KIF24: variants seen among roughly 807,000 people sequenced by gnomAD.
The protein encoded by KIF24 is kinesin family member 24.
In KIF24, 81 loss-of-function variants were observed where a neutral mutation model predicts 118.9. The ratio of observed to expected loss-of-function variants is 0.68; its 90% CI spans 0.57 to 0.82. KIF24 has a LOEUF of 0.82. Among genes scored for constraint, KIF24 ranks in the 40% least tolerant of loss-of-function variants. The pLI is 0.00. For synonymous variants in KIF24, 599 were observed against 610.0 expected (o/e 0.98, Z 0.27); for missense variants, 1,560 against 1,661.6 (o/e 0.94, Z 1.06).
chr9:34,309,121 T>G (rs1837042668), intron 2 of KIF24, among the ~76,000 whole-genome samples: 1 of 151,758 alleles, frequency 6.6e-6, no homozygotes, highest in African/African-American at 2.4e-5. Context: ...AAGAGTCAAA[T>G]AAATGAAATG....
Position 34,310,739 on chromosome 9 carries a change from G to A in KIF24, c.608C>T (p.Pro203Leu), listed in dbSNP as rs868049503. ...SHVSGYNYGI[P>L]HSCIRQNTSE... The stretch of plus-strand genomic sequence containing the variant: ...AATTTATTACCTGATACAAGAATGA[G>A]GGATTCCATAGTTATACCCTGAAAC... The change falls in exon 2 of 13, where the codon CCT (proline) becomes CTT (leucine). Residue 203 changes from proline to leucine, a missense_variant. By Grantham distance (98) the Pro-to-Leu change is moderately conservative. Transcript: ENST00000402558. The A allele has an allele frequency of 6.3e-7, 1 of 1,589,692 alleles. No individual in the cohort carries two copies. Among genetic ancestry groups the A allele is most frequent in the African/African-American group, 1.4e-5 (1 of 73,636 alleles).
Position 34,269,369 on chromosome 9 carries a change from A to C in KIF24, c.1338-7T>G, listed in dbSNP as rs571764961. The C allele has an allele frequency of 2.6e-5, 38 of 1,441,692 alleles. 1 individual carries two copies. The South Asian group carries it at 4.4e-4, about 17-fold the overall frequency. 89.3% of individuals were successfully genotyped at this position (1,441,692 alleles called of 1,614,324 possible). A position where few individuals can be genotyped will look rare whatever the true frequency, so the allele number is the denominator to read the frequency against. On this transcript the variant is annotated splice_region_variant and splice_polypyrimidine_tract_variant and intron_variant, in intron 7 of 12. Coordinates refer to ENST00000402558, the MANE Select transcript of KIF24 (RefSeq NM_194313.4). The stretch of plus-strand genomic sequence containing the variant: ...CAAGTCAATAAAAGAGATCCTAGAG[A>C]AAAGACACAGCAGGAGTGACTTCTG...
chr9:34,273,135 T>C lies in KIF24; in HGVS notation c.1216-1205A>G, dbSNP rs569067883. Among the ~76,000 whole-genome samples, 3 of 152,038 alleles carry C rather than the reference T, an allele frequency of 2.0e-5. No individual in the cohort carries two copies. In the South Asian group the frequency reaches 6.2e-4, roughly 31 times the overall value. ...AATAAAGATTTAAAACTGTATTCAC[T>C]TTTAAAGCCAGTAAAAGAAAAGGGG... On this transcript the variant is annotated intron_variant, in intron 6 of 12. Transcript: ENST00000402558.
chr9:34,255,427 G>C lies in KIF24; in HGVS notation c.3873-262C>G, dbSNP rs114372480. On this transcript the variant is annotated intron_variant, in intron 11 of 12. Coordinates refer to ENST00000402558, the MANE Select transcript of KIF24 (RefSeq NM_194313.4). ...CTCCTGCCTCCCCAGCTGTACTGAG[G>C]GGGCAGGGCTGGGTGCTGCTGCTCT... Among the ~76,000 whole-genome samples, 666 of 152,144 alleles carry C rather than the reference G, an allele frequency of 4.4e-3. 5 individuals are homozygous for C. Among genetic ancestry groups the C allele is most frequent in the African/African-American group, 0.015 (611 of 41,526 alleles).
chr9:34,276,357 G>A (rs529586119), intron 6 of KIF24, among the ~76,000 whole-genome samples: 3 of 148,104 alleles, frequency 2.0e-5, no homozygotes, highest in East Asian at 2.0e-4. Context: ...AGCTGAGATC[G>A]TGCCATTGCA....
At chr9:34,287,627 T>A (rs1836098098) in intron 5 of KIF24, among the ~76,000 whole-genome samples, 1 of 152,190 alleles carries the variant, frequency 6.6e-6, no homozygotes, top group Non-Finnish European at 1.5e-5. Context: ...CAGTCTATGC[T>A]TCATCCCAGT....
At chr9:34,314,815 G>A (rs1260282539) in intron 1 of KIF24, among the ~76,000 whole-genome samples, 1 of 152,162 alleles carries the variant, frequency 6.6e-6, no homozygotes, top group Non-Finnish European at 1.5e-5. Flanking sequence ...TCCATTTAAT[G>A]AAATAATGCT....
intron 6 of KIF24, among the ~76,000 whole-genome samples, chr9:34,281,510 A>G (rs1429568275): frequency 6.6e-6 from 1 of 152,220 alleles, no homozygotes; most frequent in Non-Finnish European, 1.5e-5. Flanking sequence ...GAAGTTTACA[A>G]TATTTACCTT....
chr9:34,272,070 G>T, intron 6 of KIF24, 140 bp from the exon 7 acceptor site: 1 of 610,792 alleles, frequency 1.6e-6, no homozygotes, highest in South Asian at 2.8e-5. Flanking sequence ...GTGGAAAACT[G>T]CTCAAACACT....
intron 2 of KIF24, among the ~76,000 whole-genome samples, chr9:34,306,976 A>C (rs189745736): frequency 6.6e-6 from 1 of 152,154 alleles, no homozygotes; most frequent in Non-Finnish European, 1.5e-5. Context: ...ACCAACCAAC[A>C]AACAAAAAAC....
intron 11 of KIF24, 98 bp from the exon 12 acceptor site, chr9:34,255,263 TC>T: frequency 1.3e-6 from 1 of 755,414 alleles, no homozygotes; most frequent in Non-Finnish European, 2.2e-6. Flanking sequence ...GAGAGCTGCC[TC>T]TGCCGAAAAT....
intron 1 of KIF24, among the ~76,000 whole-genome samples, chr9:34,326,363 A>G (rs1303654302): frequency 6.6e-6 from 1 of 152,218 alleles, no homozygotes; most frequent in Non-Finnish European, 1.5e-5. Flanking sequence ...CTGTCTCAAG[A>G]AAACCCCCCA....
At chr9:34,262,809 C>T (rs1835144274) in intron 9 of KIF24, among the ~76,000 whole-genome samples, 1 of 148,976 alleles carries the variant, frequency 6.7e-6, no homozygotes, top group African/African-American at 2.5e-5. Context: ...CACAGTAAGC[C>T]AAGATCACAC....
At chr9:34,269,401 T>A in intron 7 of KIF24, 39 bp from the exon 8 acceptor site, 1 of 824,428 alleles carries the variant, frequency 1.2e-6, no homozygotes. Context: ...TCTGTGAAGC[T>A]TTATTTTATT....
chr9:34,307,605 G>A (rs1052578070), intron 2 of KIF24, among the ~76,000 whole-genome samples: 9 of 152,026 alleles, frequency 5.9e-5, no homozygotes, highest in Non-Finnish European at 1.2e-4. Flanking sequence ...TGGGAAAATC[G>A]TGACAATCAT....
At chr9:34,311,767 C>CAT (rs950137028) in intron 1 of KIF24, among the ~76,000 whole-genome samples, 15 of 145,482 alleles carry the variant, frequency 1.0e-4, no homozygotes, top group Non-Finnish European at 2.3e-4. Context: ...TGTATATATA[C>CAT]ATATATATAC....
intron 6 of KIF24, among the ~76,000 whole-genome samples, chr9:34,283,088 C>T (rs1407712198): frequency 4.2e-5 from 6 of 143,130 alleles, no homozygotes; most frequent in Non-Finnish European, 7.6e-5. Flanking sequence ...ATATTATGGC[C>T]GGACATGGTG....
At chr9:34,275,098 A>G (rs573937211) in intron 6 of KIF24, among the ~76,000 whole-genome samples, 39 of 152,276 alleles carry the variant, frequency 2.6e-4, no homozygotes, top group Non-Finnish European at 4.6e-4. Context: ...GACTATAGTC[A>G]ACAATATTTT....
At chr9:34,320,308 T>A (rs1232058408) in intron 1 of KIF24, among the ~76,000 whole-genome samples, 2 of 150,642 alleles carry the variant, frequency 1.3e-5, no homozygotes, top group East Asian at 3.9e-4. Flanking sequence ...TTATACAGTT[T>A]TTCTTTTCAA....
Sources: gnomAD v4.1 joint callset for allele counts (sites outside exome capture counted in the v4.1 genomes callset) on GRCh38, gnomAD v4.1.1 for gene constraint, MANE v1.5 for transcripts, NCBI Gene and HGNC (gene_info 2026-07-23, HGNC 2026-07-21) for gene names.